GRM4: variants seen among roughly 807,000 people sequenced by gnomAD.
The protein encoded by GRM4 is metabotropic glutamate receptor 4.
GRM4 carries 28 observed loss-of-function variants against 81.7 expected under a neutral mutation model. The ratio of observed to expected loss-of-function variants is 0.34; its 90% CI spans 0.25 to 0.47. The LOEUF (loss-of-function observed/expected upper bound fraction) is 0.47. Among genes scored for constraint, GRM4 ranks in the 20% least tolerant of loss-of-function variants. GRM4 has a pLI of 1.00. For missense variants in GRM4, 948 were observed against 1,290.0 expected (o/e 0.73, Z 4.06); for synonymous variants, 488 against 528.8 (o/e 0.92, Z 1.06).
At chr6:34,057,964 G>T (rs1765991763) in intron 5 of GRM4, among the ~76,000 whole-genome samples, 1 of 152,204 alleles carries the variant, frequency 6.6e-6, no homozygotes, top group African/African-American at 2.4e-5. Flanking sequence ...GTGTGTGGTG[G>T]GTGGGTGGAG....
chr6:34,139,959 G>A (rs1392044765), intron 1 of GRM4, among the ~76,000 whole-genome samples: 3 of 152,202 alleles, frequency 2.0e-5, no homozygotes, highest in Non-Finnish European at 4.4e-5. Context: ...AGGCACAGAC[G>A]CCTGCCCTCT....
intron 7 of GRM4, 25 bp from the exon 8 acceptor site, chr6:34,040,339 G>A (rs369681228): frequency 5.6e-5 from 91 of 1,612,122 alleles, no homozygotes; most frequent in Non-Finnish European, 7.7e-5. Flanking sequence ...GGGTGTCTTT[G>A]CAGAGCCTTT....
At chr6:34,110,250 C>T (rs755878137) in intron 2 of GRM4, among the ~76,000 whole-genome samples, 5 of 149,506 alleles carry the variant, frequency 3.3e-5, no homozygotes, top group African/African-American at 7.4e-5. Context: ...GCCATGGTTG[C>T]GCTACTGCAC....
intron 2 of GRM4, among the ~76,000 whole-genome samples, chr6:34,109,325 C>A (rs943639651): frequency 1.3e-5 from 2 of 151,918 alleles, no homozygotes; most frequent in African/African-American, 4.8e-5. Context: ...TTAGCCCCTC[C>A]CACCCTGTCC....
upstream of GRM4, among the ~76,000 whole-genome samples, chr6:34,150,157 C>T (rs1310291603): frequency 5.9e-5 from 9 of 151,700 alleles, no homozygotes; most frequent in Non-Finnish European, 1.2e-4. Flanking sequence ...AGGTACACAG[C>T]GCATTTGTAC....
At chr6:34,131,087 C>T (rs1321616123) in intron 2 of GRM4, among the ~76,000 whole-genome samples, 2 of 152,230 alleles carry the variant, frequency 1.3e-5, no homozygotes, top group Non-Finnish European at 2.9e-5. Flanking sequence ...TGGCCTGGGA[C>T]AGCCCAGCCA....
chr6:34,088,533 G>A (rs1245695294), intron 3 of GRM4, among the ~76,000 whole-genome samples: 7 of 152,206 alleles, frequency 4.6e-5, no homozygotes, highest in Admixed American at 1.3e-4. Flanking sequence ...ATCCGAGACA[G>A]GGCACAGGTC....
At chr6:34,155,346 G>T (rs1197102621) in exon 1 of GRM4, 1 of 1,508,764 alleles carries the variant, frequency 6.6e-7, no homozygotes, top group East Asian at 2.5e-5. Context: ...AAGGAGGGGC[G>T]CGCCAGCCGC....
chr6:34,052,463 T>G (rs771806482), intron 6 of GRM4, among the ~76,000 whole-genome samples: 1 of 152,210 alleles, frequency 6.6e-6, no homozygotes, highest in Non-Finnish European at 1.5e-5. Context: ...CCCACCCTCT[T>G]GGACGGTCAC....
chr6:34,027,710 G>A (rs1252546576), intron 10 of GRM4, among the ~76,000 whole-genome samples: 4 of 152,184 alleles, frequency 2.6e-5, no homozygotes, highest in Non-Finnish European at 4.4e-5. Flanking sequence ...CTCCCAGAGG[G>A]GCTGAAAGGG....
At chr6:34,049,552 T>C (rs1024726402) in intron 6 of GRM4, among the ~76,000 whole-genome samples, 1 of 151,980 alleles carries the variant, frequency 6.6e-6, no homozygotes, top group African/African-American at 2.4e-5. Context: ...TCTCCCTGAC[T>C]CCAGCGCCTA....
In GRM4 at chr6:34,048,413, G is replaced by A. The variant is rs1176688114; in HGVS notation, c.1169-7665C>T. Among the ~76,000 whole-genome samples, 1 of 152,074 alleles carries A rather than the reference G, an allele frequency of 6.6e-6. No individual in the cohort carries two copies. The highest frequency in any genetic ancestry group is 2.4e-5 in the African/African-American group (1 of 41,404). On this transcript the variant is annotated intron_variant, in intron 6 of 10. Transcript: ENST00000538487. The surrounding 1 kb of genome is among the most constrained non-coding windows in gnomAD (Gnocchi z 4.0). Reference sequence around the variant, plus strand: ...CCTGGTTCTGAGGCCAACACACCTCGGCTGAGGAGCTGGGGCTCAGCTCTC... The same window carrying A: ...CCTGGTTCTGAGGCCAACACACCTCAGCTGAGGAGCTGGGGCTCAGCTCTC...
chr6:34,025,939 C>G (rs1247844889), intron 10 of GRM4, among the ~76,000 whole-genome samples: 1 of 152,168 alleles, frequency 6.6e-6, no homozygotes, highest in Non-Finnish European at 1.5e-5. Context: ...GGGACAGCAA[C>G]ACTCCCGGAG....
rs1199356458 is a variant in GRM4, at chr6:34,136,361, G to A, written c.-363-2502C>T. Among the ~76,000 whole-genome samples the A allele has an allele frequency of 6.6e-6, 1 of 152,104 alleles. No homozygotes were observed. The highest frequency in any genetic ancestry group is 3.2e-3 in the Middle Eastern group (1 of 316). ...CTGTGAGTTTATGATCGGTTTCCAT[G>A]AATTTCAAACAGAGGGCTTTTTGGC... On this transcript the variant is annotated intron_variant, in intron 1 of 10. Coordinates refer to ENST00000538487, the MANE Select transcript of GRM4 (RefSeq NM_000841.4). This position sits in a 1 kb window ranked among gnomAD's most constrained non-coding sequence, Gnocchi z 4.1.
chr6:34,056,363 C>T, intron 6 of GRM4, 181 bp downstream of exon 6: 2 of 603,038 alleles, frequency 3.3e-6, no homozygotes, highest in Non-Finnish European at 5.9e-6. Context: ...CTGCTGTGGC[C>T]CCGCCCCTCA....
intron 3 of GRM4, among the ~76,000 whole-genome samples, chr6:34,088,131 C>CT (rs1187745957): frequency 2.4e-4 from 37 of 151,306 alleles, no homozygotes; most frequent in African/African-American, 7.0e-4. Context: ...CGTTTCACTC[C>CT]TTTTTTTTTA....
At chr6:34,038,974 T>TAA (rs1180927628) in intron 8 of GRM4, among the ~76,000 whole-genome samples, 19 of 152,310 alleles carry the variant, frequency 1.2e-4, no homozygotes, top group African/African-American at 4.3e-4. Context: ...AGGTACTCAG[T>TAA]AAGTGCTAGC....
chr6:34,111,895 C>G lies in GRM4; in HGVS notation c.520-19796G>C, dbSNP rs182268450. 3.4e-3 allele frequency among the ~76,000 whole-genome samples: 512 copies of G among 152,272 alleles called. 1 individual carries two copies. The highest frequency in any genetic ancestry group is 0.012 in the African/African-American group (485 of 41,548). On this transcript the variant is annotated intron_variant, in intron 2 of 10. Transcript: ENST00000538487. This position sits in a 1 kb window ranked among gnomAD's most constrained non-coding sequence, Gnocchi z 5.1. ...AGTGTGGCCAGACCAGACGCACCCC[C>G]ACCTGTTCCATTTCCTGATTGTCCA...
intron 2 of GRM4, among the ~76,000 whole-genome samples, chr6:34,104,631 C>G (rs533763541): frequency 6.6e-6 from 1 of 152,166 alleles, no homozygotes; most frequent in African/African-American, 2.4e-5. Flanking sequence ...GCACACACTG[C>G]GTGTCCATTC....
Sources: allele counts gnomAD v4.1 joint callset (sites outside exome capture counted in the v4.1 genomes callset), GRCh38; gene constraint gnomAD v4.1.1; non-coding constraint Gnocchi (gnomAD v3.1); transcripts MANE v1.5; gene names NCBI Gene and HGNC (gene_info 2026-07-23, HGNC 2026-07-21).